Variants in SLC35E1 observed in about 807,000 individuals in gnomAD.
The protein encoded by SLC35E1 is solute carrier family 35, member E1.
In SLC35E1, 12 loss-of-function variants were observed where a neutral mutation model predicts 31.0. The ratio of observed to expected loss-of-function variants is 0.39; its 90% CI spans 0.25 to 0.63. The LOEUF is 0.63. Among genes scored for constraint, SLC35E1 ranks in the 20% least tolerant of loss-of-function variants. The pLI is 0.52. For synonymous variants in SLC35E1, 257 were observed against 264.1 expected (o/e 0.97, Z 0.26); for missense variants, 429 against 572.2 (o/e 0.75, Z 2.55).
At chr19:16,566,503 T>C (rs970986320) in intron 4 of SLC35E1, 29 bp downstream of exon 4, 2 of 1,611,036 alleles carry the variant, frequency 1.2e-6, no homozygotes, top group Non-Finnish European at 1.7e-6. Flanking sequence ...GCCAAGAAAA[T>C]GGCGTGTTCT....
intron 2 of SLC35E1, 96 bp downstream of exon 2, chr19:16,571,416 C>A: frequency 3.1e-6 from 4 of 1,303,558 alleles, no homozygotes; most frequent in Non-Finnish European, 4.4e-6. Flanking sequence ...GGAAGCCAGG[C>A]AGCCTGCAGA....
intron 4 of SLC35E1, among the ~76,000 whole-genome samples, chr19:16,564,598 G>A (rs911899804): frequency 6.6e-6 from 1 of 152,028 alleles, no homozygotes; most frequent in African/African-American, 2.4e-5. Context: ...GAGCCACTGC[G>A]CCTGGCCAAG....
At chr19:16,570,544 G>A (rs80045545) in intron 2 of SLC35E1, among the ~76,000 whole-genome samples, 4,101 of 152,226 alleles carry the variant, frequency 0.027, 88 homozygotes, top group Non-Finnish European at 0.04. Flanking sequence ...AGCTGTCTCC[G>A]GCTAAAGCCA....
In SLC35E1 at chr19:16,555,600, G is replaced by T; in HGVS notation, c.757-203C>A. The T allele has an allele frequency of 1.6e-6, 1 of 624,310 alleles. No individual in the cohort carries two copies. The highest frequency in any genetic ancestry group is 2.7e-6 in the Non-Finnish European group (1 of 371,526). The allele number at this position is 624,310 out of a possible 1,614,324, so 38.7% of individuals were successfully genotyped here. On this transcript the variant is annotated intron_variant, in intron 4 of 5. Coordinates refer to ENST00000595753, the MANE Select transcript of SLC35E1 (RefSeq NM_024881.5). This position sits in a 1 kb window ranked among gnomAD's most constrained non-coding sequence, Gnocchi z 4.1. ...CCTCAGAACCTCATGACACCACACA[G>T]CATGGGAATCACCCGCCGTCTCCTG...
intron 4 of SLC35E1, chr19:16,565,481 A>G (rs773991101): frequency 3.5e-4 from 66 of 191,114 alleles, no homozygotes; most frequent in Non-Finnish European, 5.9e-4. Context: ...AAGTGCTGGG[A>G]TTATAGGCGT....
chr19:16,564,455 A>G (rs1393596313), intron 4 of SLC35E1, among the ~76,000 whole-genome samples: 1 of 151,982 alleles, frequency 6.6e-6, no homozygotes, highest in Non-Finnish European at 1.5e-5. Context: ...ACAGGCGTGC[A>G]CCACCATGCC....
intron 2 of SLC35E1, among the ~76,000 whole-genome samples, chr19:16,570,889 G>C (rs998102616): frequency 6.6e-6 from 1 of 152,110 alleles, no homozygotes; most frequent in Non-Finnish European, 1.5e-5. Flanking sequence ...TTGAGGTCAG[G>C]AGTTTGAGAC....
At position 16,552,102 on chromosome 19, in the gene SLC35E1, C is replaced by T. The variant is rs764582331; in HGVS notation, c.*1577G>A. On this transcript the variant is annotated 3_prime_UTR_variant, in exon 6 of 6. Coordinates refer to ENST00000595753, the MANE Select transcript of SLC35E1 (RefSeq NM_024881.5). ...GCAAACCAAATCTTAGTGCAGTGTT[C>T]GCTCCTCGTCCCCTTACCCAGAACA... 6.6e-6 allele frequency: 1 copy of T among 152,048 alleles called. No individual in the cohort carries two copies. Among genetic ancestry groups the T allele is most frequent in the Admixed American group, 6.6e-5 (1 of 15,242 alleles). 9.4% of individuals were successfully genotyped at this position (152,048 alleles called of 1,614,324 possible).
intron 5 of SLC35E1, 122 bp from the exon 6 acceptor site, chr19:16,554,031 G>A (rs536798528): frequency 6.4e-5 from 48 of 749,580 alleles, no homozygotes; most frequent in Middle Eastern, 7.7e-4. Flanking sequence ...TTGGGAGGTC[G>A]AGGCGGGAGG....
chr19:16,571,556 C>T lies in SLC35E1; in HGVS notation c.448G>A (p.Val150Ile). ...TVKATMPIWV[V>I]LLSRIIMKEK... ...TTCATAATGATCCGGGACAGGAGGACCACCCAGATGGGCATGGTGGCCTTG... is the reference window on the plus strand; with the variant it reads ...TTCATAATGATCCGGGACAGGAGGATCACCCAGATGGGCATGGTGGCCTTG... Residue 150 changes from valine (V) to isoleucine (I), a missense_variant, in exon 2 of 6, where the codon GTC (valine) becomes ATC (isoleucine). Transcript: ENST00000595753. 6.2e-7 allele frequency: 1 copy of T among 1,613,940 alleles called. No individual in the cohort carries two copies. Among genetic ancestry groups the T allele is most frequent in the Non-Finnish European group, 8.5e-7 (1 of 1,179,972 alleles).
chr19:16,553,530 CG>C lies in SLC35E1; in HGVS notation c.*148del. The C allele has an allele frequency of 7.4e-6, 5 of 680,012 alleles. No individual in the cohort carries two copies. The highest frequency in any genetic ancestry group is 6.7e-6 in the Non-Finnish European group (3 of 448,482). The allele number at this position is 680,012 out of a possible 1,614,324, so 42.1% of individuals were successfully genotyped here. ...AGGCAACGCATCCTCCTGCGGCTCA[CG>C]GGGGGCCAGGAACCCCAGGGCTTCT... is the stretch of plus-strand genomic sequence containing the variant. On this transcript the variant is annotated 3_prime_UTR_variant, in exon 6 of 6. Transcript: ENST00000595753.
Position 16,549,863 on chromosome 19 carries a change from G to A in SLC35E1, c.*3816C>T, listed in dbSNP as rs2085836276. 6.6e-6 allele frequency: 1 copy of A among 152,152 alleles called. No individual in the cohort carries two copies. The highest frequency in any genetic ancestry group is 2.1e-4 in the South Asian group (1 of 4,824). The allele number at this position is 152,152 out of a possible 1,614,324, so 9.4% of individuals were successfully genotyped here. A position where few individuals can be genotyped will look rare whatever the true frequency, so the allele number is the denominator to read the frequency against. ...TCCCTGGAAACCATCATTTATTTTT[G>A]GTAAATGCCAGTGAGGAATATACAC... On this transcript the variant is annotated 3_prime_UTR_variant, in exon 6 of 6. Coordinates refer to ENST00000595753, the MANE Select transcript of SLC35E1 (RefSeq NM_024881.5).
At position 16,553,199 on chromosome 19, in the gene SLC35E1, T is replaced by C. The variant is rs1279589678; in HGVS notation, c.*480A>G. 6.6e-6 allele frequency: 1 copy of C among 152,478 alleles called. No individual in the cohort carries two copies. The highest frequency in any genetic ancestry group is 1.5e-5 in the Non-Finnish European group (1 of 68,274). 9.4% of individuals were successfully genotyped at this position (152,478 alleles called of 1,614,324 possible). A position where few individuals can be genotyped will look rare whatever the true frequency, so the allele number is the denominator to read the frequency against. ...GGTGACCCTGTTGGTCCTATGCGTA[T>C]CTGCGCCAGGGAATTAAACTAGCCA... On this transcript the variant is annotated 3_prime_UTR_variant, in exon 6 of 6. Coordinates refer to ENST00000595753, the MANE Select transcript of SLC35E1 (RefSeq NM_024881.5).
chr19:16,554,059 G>GT, intron 5 of SLC35E1, 150 bp from the exon 6 acceptor site: 2 of 583,444 alleles, frequency 3.4e-6, no homozygotes, highest in South Asian at 5.9e-5. Flanking sequence ...GAGCTCAGGA[G>GT]TTTGAGACCA....
At chr19:16,569,222 G>C (rs995531449) in intron 2 of SLC35E1, among the ~76,000 whole-genome samples, 2 of 151,764 alleles carry the variant, frequency 1.3e-5, no homozygotes, top group Non-Finnish European at 2.9e-5. Flanking sequence ...ATGGGGTTTT[G>C]CCATGTTGGC....
intron 4 of SLC35E1, among the ~76,000 whole-genome samples, chr19:16,560,104 A>C (rs2085897047): frequency 6.6e-6 from 1 of 152,116 alleles, no homozygotes; most frequent in African/African-American, 2.4e-5. Context: ...CTGAAAGCCA[A>C]GCGGTGGTCT....
At chr19:16,557,694 G>A (rs12463192) in intron 4 of SLC35E1, among the ~76,000 whole-genome samples, 5,485 of 152,318 alleles carry the variant, frequency 0.036, 239 homozygotes, top group Admixed American at 0.088. Flanking sequence ...TTTGGAGACA[G>A]GCTGCTTTCA....
At chr19:16,571,653 C>T (rs1391892874) in intron 1 of SLC35E1, 71 bp from the exon 2 acceptor site, 7 of 1,544,858 alleles carry the variant, frequency 4.5e-6, no homozygotes, top group South Asian at 4.5e-5. Flanking sequence ...ACCTCCACGG[C>T]GGGATGGGAG....
chr19:16,566,666 G>A lies in SLC35E1; in HGVS notation c.631-9C>T. ...CGTGAATCTCGCAAGACCTGGAAAG[G>A]GAAAGCCTCTTTAGAGGGTGATTAA... is the stretch of plus-strand genomic sequence containing the variant. On this transcript the variant is annotated splice_polypyrimidine_tract_variant and intron_variant, in intron 3 of 5. Coordinates refer to ENST00000595753, the MANE Select transcript of SLC35E1 (RefSeq NM_024881.5). 1.2e-6 allele frequency: 2 copies of A among 1,610,772 alleles called. No individual in the cohort carries two copies. The highest frequency in any genetic ancestry group is 1.7e-6 in the Non-Finnish European group (2 of 1,179,374).
Sources: gnomAD v4.1 joint callset for allele counts (sites outside exome capture counted in the v4.1 genomes callset) on GRCh38, gnomAD v4.1.1 for gene constraint, Gnocchi (gnomAD v3.1) non-coding constraint, MANE v1.5 for transcripts, NCBI Gene and HGNC (gene_info 2026-07-23, HGNC 2026-07-21) for gene names.